CSMD1: variants seen among roughly 807,000 people sequenced by gnomAD.
CSMD1 encodes CUB and Sushi multiple domains 1.
CSMD1 carries 213 observed loss-of-function variants against 417.5 expected under a neutral mutation model. The observed-to-expected ratio is 0.51, with a 90% CI of 0.46 to 0.57. CSMD1 has a LOEUF of 0.57. CSMD1 is among the 20% of genes least tolerant of loss of function. The pLI is 0.00. For synonymous variants in CSMD1, 2,862 were observed against 1,736.8 expected, an observed-to-expected ratio of 1.65 and a Z score of -16.11; for missense variants, 6,923 against 4,529.7, an observed-to-expected ratio of 1.53 and a Z score of -15.17.
chr8:3,764,592 G>C (rs1262541885), intron 5 of CSMD1, among the ~76,000 whole-genome samples: 1 of 152,004 alleles, frequency 6.6e-6, no homozygotes, highest in Non-Finnish European at 1.5e-5. Context: ...AACTTCTCTT[G>C]GATGGCAGTT....
chr8:3,791,886 T>G (rs762534884), intron 5 of CSMD1, among the ~76,000 whole-genome samples: 2 of 152,016 alleles, frequency 1.3e-5, no homozygotes, highest in Non-Finnish European at 2.9e-5. Flanking sequence ...GCAAAAGTAA[T>G]TGCAGTTTTT....
At chr8:3,262,103 A>G (rs1801109537) in intron 26 of CSMD1, among the ~76,000 whole-genome samples, 2 of 149,608 alleles carry the variant, frequency 1.3e-5, no homozygotes, top group Non-Finnish European at 3.0e-5. Context: ...AGTAAAGGTT[A>G]TGTATGTCTG....
chr8:4,914,447 G>T (rs907331469), intron 1 of CSMD1, among the ~76,000 whole-genome samples: 1 of 151,860 alleles, frequency 6.6e-6, no homozygotes. Flanking sequence ...GTGAGGTGGC[G>T]GGCCCCTGTA....
At chr8:4,708,932 A>T (rs1384111233) in intron 1 of CSMD1, among the ~76,000 whole-genome samples, 1 of 152,192 alleles carries the variant, frequency 6.6e-6, no homozygotes, top group Non-Finnish European at 1.5e-5. Flanking sequence ...GGTCATTCAC[A>T]AGCCAAAGAA....
intron 20 of CSMD1, among the ~76,000 whole-genome samples, chr8:3,363,532 TTTA>T (rs1809338025): frequency 6.6e-6 from 1 of 151,918 alleles, no homozygotes; most frequent in Non-Finnish European, 1.5e-5. Flanking sequence ...TATTTATTTA[TTTA>T]TTATTTTTTT....
chr8:4,790,266 G>C (rs762637423), intron 1 of CSMD1, among the ~76,000 whole-genome samples: 5 of 152,032 alleles, frequency 3.3e-5, no homozygotes, highest in Non-Finnish European at 7.4e-5. Flanking sequence ...TAGGAATACA[G>C]CTAACCAGGA....
At chr8:3,649,795 G>C (rs953550725) in intron 7 of CSMD1, among the ~76,000 whole-genome samples, 2 of 152,048 alleles carry the variant, frequency 1.3e-5, no homozygotes, top group South Asian at 2.1e-4. Flanking sequence ...CTAAATTGTG[G>C]TCTTATTACA....
In CSMD1 at chr8:2,965,578, G is replaced by T. The variant is rs143057673; in HGVS notation, c.9280+197C>A. On this transcript the variant is annotated intron_variant, in intron 59 of 69. Transcript: ENST00000635120. ...GATCCTAAGCCTTTTCCTCTACCTC[G>T]CTATGAGTTAGTTTTTCCATCTGTA... Among the ~76,000 whole-genome samples the T allele has an allele frequency of 1.5e-3, 221 of 152,122 alleles. 1 individual carries two copies. Among genetic ancestry groups the T allele is most frequent in the African/African-American group, 4.8e-3 (199 of 41,494 alleles).
intron 3 of CSMD1, among the ~76,000 whole-genome samples, chr8:4,135,403 A>ATAGAGGGGGAAGGAAGGGGAAAGG (rs1256297422): frequency 7.6e-6 from 1 of 132,370 alleles, no homozygotes; most frequent in African/African-American, 3.0e-5. Context: ...AAGGGGAAAG[A>ATAGAGGGGGAAGGAAGGGGAAAGG]GGGAAAGAGG....
intron 26 of CSMD1, among the ~76,000 whole-genome samples, chr8:3,241,333 G>T (rs571532782): frequency 3.3e-5 from 5 of 151,796 alleles, no homozygotes; most frequent in Admixed American, 2.6e-4. Context: ...AAGGGAAACA[G>T]GTCCTTGAAA....
At chr8:3,812,366 C>A (rs963970954) in intron 5 of CSMD1, among the ~76,000 whole-genome samples, 5 of 152,096 alleles carry the variant, frequency 3.3e-5, no homozygotes, top group African/African-American at 4.8e-5. Context: ...AGCCTCTATA[C>A]CAGGTAGTGA....
intron 4 of CSMD1, among the ~76,000 whole-genome samples, chr8:4,013,521 G>A (rs1275167922): frequency 6.6e-6 from 1 of 152,124 alleles, no homozygotes; most frequent in Non-Finnish European, 1.5e-5. Flanking sequence ...CCAGGCAGAT[G>A]GTCACCATAG....
At chr8:4,931,908 G>C (rs532089145) in intron 1 of CSMD1, among the ~76,000 whole-genome samples, 3 of 152,272 alleles carry the variant, frequency 2.0e-5, no homozygotes, top group African/African-American at 7.2e-5. Context: ...CTTTAGAAAT[G>C]TCCCTTGGAC....
chr8:3,033,917 A>C (rs1246196022), intron 50 of CSMD1, among the ~76,000 whole-genome samples: 1 of 152,206 alleles, frequency 6.6e-6, no homozygotes, highest in Non-Finnish European at 1.5e-5. Context: ...GGTTGTAACA[A>C]GGAGTTGAGT....
At chr8:4,235,047 T>G (rs1477784753) in intron 3 of CSMD1, among the ~76,000 whole-genome samples, 1 of 152,148 alleles carries the variant, frequency 6.6e-6, no homozygotes, top group African/African-American at 2.4e-5. Context: ...CATTCGAATT[T>G]AAGGGGACGC....
At chr8:3,049,420 G>C (rs957959185) in intron 50 of CSMD1, among the ~76,000 whole-genome samples, 3 of 152,134 alleles carry the variant, frequency 2.0e-5, no homozygotes, top group African/African-American at 4.8e-5. Flanking sequence ...ATGAGAGCTA[G>C]AGCCATGCAA....
chr8:3,566,174 G>C (rs183583058), intron 10 of CSMD1, among the ~76,000 whole-genome samples: 46 of 152,064 alleles, frequency 3.0e-4, no homozygotes, highest in Non-Finnish European at 5.4e-4. Context: ...AAAGAGAGGA[G>C]AAAGGAAAGG....
At chr8:4,538,526 C>T (rs561541230) in intron 2 of CSMD1, among the ~76,000 whole-genome samples, 8 of 152,000 alleles carry the variant, frequency 5.3e-5, no homozygotes, top group African/African-American at 1.9e-4. Flanking sequence ...GCCTGTAATC[C>T]CACCTACTTG....
chr8:3,215,283 C>T (rs1256740227), intron 29 of CSMD1, among the ~76,000 whole-genome samples: 3 of 152,100 alleles, frequency 2.0e-5, no homozygotes, highest in South Asian at 2.1e-4. Context: ...ATAGAGTAAA[C>T]GTCAAACTTA....
Sources: allele counts gnomAD v4.1 joint callset (sites outside exome capture counted in the v4.1 genomes callset), GRCh38; gene constraint gnomAD v4.1.1; transcripts MANE v1.5; gene names NCBI Gene and HGNC (gene_info 2026-07-23, HGNC 2026-07-21).